DGKH: variants seen among roughly 807,000 people sequenced by gnomAD.
DGKH encodes the protein DAG kinase eta.
Under a neutral mutation model 159.3 loss-of-function variants are expected in DGKH, and 90 were observed. The observed-to-expected ratio is 0.57, with a 90% CI of 0.48 to 0.67. DGKH has a LOEUF of 0.67. Among genes scored for constraint, DGKH ranks in the 30% least tolerant of loss-of-function variants. The pLI is 0.00. For synonymous variants in DGKH, 536 were observed against 553.8 expected (o/e 0.97, Z 0.45); for missense variants, 1,181 against 1,506.1 (o/e 0.78, Z 3.57).
chr13:42,097,212 T>C lies in DGKH; in HGVS notation c.193-30251T>C, dbSNP rs537440089. Among the ~76,000 whole-genome samples, 6 of 152,348 alleles carry C rather than the reference T, an allele frequency of 3.9e-5. 1 individual carries two copies. Among genetic ancestry groups the C allele is most frequent in the African/African-American group, 1.4e-4 (6 of 41,574 alleles). ...TTCAGTTCTGGGAAATTGTCTTGAA[T>C]TAGCTCTTCCTTCTGTTTTCTCTGG... On this transcript the variant is annotated intron_variant, in intron 1 of 29. Transcript: ENST00000337343.
upstream of DGKH, chr13:42,048,633 T>C: frequency 9.1e-7 from 1 of 1,102,040 alleles, no homozygotes; most frequent in East Asian, 3.5e-5. This position sits in a 1 kb window ranked among gnomAD's most constrained non-coding sequence, Gnocchi z 6.7. Flanking sequence ...GACCCTTACC[T>C]CGCGGGGGTA....
Position 42,187,086 on chromosome 13 carries a change from G to A in DGKH, c.1576G>A (p.Val526Ile). 2.5e-6 allele frequency: 4 copies of A among 1,614,112 alleles called. No homozygotes were observed. Among genetic ancestry groups the A allele is most frequent in the Non-Finnish European group, 3.4e-6 (4 of 1,179,986 alleles). The change falls in exon 14 of 30, where the codon GTA becomes ATA. Residue 526 changes from valine (V) to isoleucine (I), a missense_variant. Coordinates refer to ENST00000337343, the MANE Select transcript of DGKH (RefSeq NM_178009.5). ...AACTGTAAAGGACTTCGTTGCCAAA[G>A]TAGAAAAGACGTATGACAAAACCTT... ...CETVKDFVAK[V>I]EKTYDKTLEN...
intron 3 of DGKH, among the ~76,000 whole-genome samples, chr13:42,142,271 C>T (rs1291973936): frequency 1.3e-5 from 2 of 152,134 alleles, no homozygotes; most frequent in Admixed American, 6.5e-5. Flanking sequence ...GTTTTGGTAC[C>T]AGTACCATGC....
At position 42,229,413 on chromosome 13, in the gene DGKH, T is replaced by C; in HGVS notation, c.*225T>C. 2.2e-6 allele frequency: 1 copy of C among 459,614 alleles called. No homozygotes were observed. Among genetic ancestry groups the C allele is most frequent in the Non-Finnish European group, 3.8e-6 (1 of 261,640 alleles). The allele number at this position is 459,614 out of a possible 1,614,324, so 28.5% of individuals were successfully genotyped here. A position where few individuals can be genotyped will look rare whatever the true frequency, so the allele number is the denominator to read the frequency against. On this transcript the variant is annotated 3_prime_UTR_variant, in exon 30 of 30. Transcript: ENST00000337343. The stretch of plus-strand genomic sequence containing the variant: ...AAGCCATTTTCTTTTTGTGCAAACC[T>C]GACATGTTCAAATATATTCACAATG...
chr13:42,128,414 C>T (rs901055332), intron 2 of DGKH, among the ~76,000 whole-genome samples: 1 of 152,000 alleles, frequency 6.6e-6, no homozygotes, highest in Non-Finnish European at 1.5e-5. Context: ...GAAGTAATAA[C>T]CATGTAAAAT....
At chr13:42,150,751 AATT>A (rs1258863520) in intron 3 of DGKH, among the ~76,000 whole-genome samples, 2 of 152,134 alleles carry the variant, frequency 1.3e-5, no homozygotes, top group Non-Finnish European at 2.9e-5. Flanking sequence ...CAAAATTTGT[AATT>A]ATTTTTTTTA....
chr13:42,200,856 C>G (rs1957330778), intron 20 of DGKH, among the ~76,000 whole-genome samples: 1 of 152,146 alleles, frequency 6.6e-6, no homozygotes, highest in South Asian at 2.1e-4. Context: ...TAAAAAGGTA[C>G]AAAATCAGGA....
At position 42,229,161 on chromosome 13, in the gene DGKH, A is replaced by C; in HGVS notation, c.3636A>C (p.Gly1212=). The change falls in exon 30 of 30, where the codon GGA becomes GGC. Residue 1212 remains glycine (G), a synonymous_variant. Transcript: ENST00000337343. ...KRILQGIKEL[G]RSTPQSEV ...TTCTCCAGGGAATTAAAGAGCTTGG[A>C]AGGAGCACTCCACAGTCGGAGGTGT... is the stretch of plus-strand genomic sequence containing the variant. The C allele has an allele frequency of 6.2e-7, 1 of 1,611,850 alleles. No homozygotes were observed. Among genetic ancestry groups the C allele is most frequent in the Non-Finnish European group, 8.5e-7 (1 of 1,179,400 alleles).
Position 42,165,599 on chromosome 13 carries a change from A to G in DGKH, c.958+166A>G, listed in dbSNP as rs118172167. ...AAGTACATTCCATTTTTAAAAGAAT[A>G]TATTTAAGTGAAAGTTGTAGAATAG... is the stretch of plus-strand genomic sequence containing the variant. On this transcript the variant is annotated intron_variant, in intron 8 of 29. Coordinates refer to ENST00000337343, the MANE Select transcript of DGKH (RefSeq NM_178009.5). 7.3e-3 allele frequency among the ~76,000 whole-genome samples: 1,116 copies of G among 152,282 alleles called. 8 individuals carry two copies. The highest frequency in any genetic ancestry group is 0.013 in the Non-Finnish European group (862 of 67,990).
Position 42,233,169 on chromosome 13 carries a change from G to A in DGKH, c.*3981G>A, listed in dbSNP as rs1958342004. 6.6e-6 allele frequency: 1 copy of A among 152,206 alleles called. No homozygotes were observed. Among genetic ancestry groups the A allele is most frequent in the African/African-American group, 2.4e-5 (1 of 41,442 alleles). 9.4% of individuals were successfully genotyped at this position (152,206 alleles called of 1,614,324 possible). On this transcript the variant is annotated 3_prime_UTR_variant, in exon 30 of 30. Transcript: ENST00000337343. The stretch of plus-strand genomic sequence containing the variant: ...ATTTAATTAGAAACTCCATTTCTCA[G>A]TTGCACTAACTACATTTCAAGTGTT...
chr13:42,217,563 T>C (rs2209513), intron 26 of DGKH, among the ~76,000 whole-genome samples: 20,071 of 151,696 alleles, frequency 0.13, 1,682 homozygotes, highest in Admixed American at 0.23. Context: ...GTATTTTTAA[T>C]CACTACTAGA....
chr13:42,243,714 C>T (rs1958552925), downstream of DGKH, among the ~76,000 whole-genome samples: 1 of 152,042 alleles, frequency 6.6e-6, no homozygotes, highest in African/African-American at 2.4e-5. Context: ...GTGAGAAAGG[C>T]AGAGAGGACA....
intron 1 of DGKH, among the ~76,000 whole-genome samples, chr13:42,050,181 G>T (rs1240728112): frequency 1.3e-5 from 2 of 152,138 alleles, no homozygotes; most frequent in Non-Finnish European, 1.5e-5. Flanking sequence ...GACCAGCCTG[G>T]CCAACATGGT....
rs1566142280 is a variant in DGKH, at chr13:42,159,263, T to C, written c.623-3T>C. On this transcript the variant is annotated splice_polypyrimidine_tract_variant and splice_region_variant and intron_variant, in intron 5 of 29. Coordinates refer to ENST00000337343, the MANE Select transcript of DGKH (RefSeq NM_178009.5). ...GTTGCTCTTTTTTTTTTTTTTTTTT[T>C]AGTGTGTAAATTCAAGGCTCACAAA... is the stretch of plus-strand genomic sequence containing the variant. The C allele has an allele frequency of 8.0e-7, 1 of 1,249,720 alleles. No individual in the cohort carries two copies. Among genetic ancestry groups the C allele is most frequent in the Non-Finnish European group, 1.1e-6 (1 of 894,574 alleles). 77.4% of individuals were successfully genotyped at this position (1,249,720 alleles called of 1,614,324 possible).
At chr13:42,110,853 G>A (rs1827847584) in intron 1 of DGKH, among the ~76,000 whole-genome samples, 1 of 152,142 alleles carries the variant, frequency 6.6e-6, no homozygotes, top group African/African-American at 2.4e-5. Flanking sequence ...TGCATGTAAC[G>A]GTACGTTATA....
rs571102277 is a variant in DGKH at position 42,231,571 on chromosome 13, A to G, written c.*2383A>G. The G allele has an allele frequency of 5.9e-5, 9 of 152,258 alleles. No individual in the cohort carries two copies. In the East Asian group the frequency reaches 1.5e-3, roughly 26 times the overall value. 9.4% of individuals were successfully genotyped at this position (152,258 alleles called of 1,614,324 possible). ...TGTCCATCTTTACTAAAAAAAGGAA[A>G]TGTGAGGGAAAGAAGGGGAAGAACT... On this transcript the variant is annotated 3_prime_UTR_variant, in exon 30 of 30. Coordinates refer to ENST00000337343, the MANE Select transcript of DGKH (RefSeq NM_178009.5).
intron 1 of DGKH, among the ~76,000 whole-genome samples, chr13:42,081,343 C>A (rs905678447): frequency 7.9e-5 from 12 of 152,068 alleles, no homozygotes; most frequent in African/African-American, 2.9e-4. Context: ...GATTCTCCTA[C>A]CTCAGCCTCC....
chr13:42,162,801 T>G (rs544037350), intron 7 of DGKH, among the ~76,000 whole-genome samples: 86 of 151,954 alleles, frequency 5.7e-4, no homozygotes, highest in South Asian at 1.5e-3. Flanking sequence ...TGAAACTCCA[T>G]GTCAAAACAC....
chr13:42,234,750 G>T lies in DGKH; in HGVS notation c.*5562G>T, dbSNP rs576178973. On this transcript the variant is annotated 3_prime_UTR_variant, in exon 30 of 30. Coordinates refer to ENST00000337343, the MANE Select transcript of DGKH (RefSeq NM_178009.5). Reference sequence around the variant, plus strand: ...GTCCCCACAGCACTTGGTTGCCATGGGTTTCTCTCCTCTCACTGCCTGCCC... The same window carrying T: ...GTCCCCACAGCACTTGGTTGCCATGTGTTTCTCTCCTCTCACTGCCTGCCC... 6.6e-6 allele frequency: 1 copy of T among 152,106 alleles called. No homozygotes were observed. The highest frequency in any genetic ancestry group is 1.5e-5 in the Non-Finnish European group (1 of 68,018). 9.4% of individuals were successfully genotyped at this position (152,106 alleles called of 1,614,324 possible).
Sources: allele counts gnomAD v4.1 joint callset (sites outside exome capture counted in the v4.1 genomes callset), GRCh38; gene constraint gnomAD v4.1.1; non-coding constraint Gnocchi (gnomAD v3.1); transcripts MANE v1.5; gene names NCBI Gene and HGNC (gene_info 2026-07-23, HGNC 2026-07-21).